The following WDR5 variants were observed in gnomAD, a reference collection of about 807,000 sequenced individuals.
WDR5 encodes WD repeat domain 5.
For synonymous variants in WDR5, 144 were observed against 161.6 expected (o/e 0.89, Z 0.83); for missense variants, 187 against 416.9 (o/e 0.45, Z 4.80).
At chr9:134,141,184 G>T (rs2132531505) in intron 3 of WDR5, among the ~76,000 whole-genome samples, 1 of 152,358 alleles carries the variant, frequency 6.6e-6, no homozygotes, top group East Asian at 1.9e-4. Context: ...TACTCAGGAG[G>T]TTGAGGCAGG....
In WDR5 at chr9:134,145,937, C is replaced by CT. The variant is rs35158770; in HGVS notation, c.529-2337dup. Among the ~76,000 whole-genome samples, 885 of 139,394 alleles carry CT rather than the reference C, an allele frequency of 6.3e-3. 4 individuals are homozygous for CT. Among genetic ancestry groups the CT allele is most frequent in the African/African-American group, 0.015 (550 of 36,630 alleles). 91.4% of individuals were successfully genotyped at this position (139,394 alleles called of 152,430 possible). A position where few individuals can be genotyped will look rare whatever the true frequency, so the allele number is the denominator to read the frequency against. ...GATTACCTTCTCTGTTTCTTTCTTT[C>CT]TTTTTTTTTTTTTTGTTTTTTAATA... On this transcript the variant is annotated intron_variant, in intron 7 of 13. Coordinates refer to ENST00000358625, the MANE Select transcript of WDR5 (RefSeq NM_017588.3).
rs766254129 is a variant in WDR5 at position 134,154,550 on chromosome 9, T to C, written c.707+9T>C. Reference sequence around the variant, plus strand: ...GCCGCCACGCTGGACAAGTGAGTACTGCGTGGGACTGTGGGGGCGGGCATG... The same window carrying C: ...GCCGCCACGCTGGACAAGTGAGTACCGCGTGGGACTGTGGGGGCGGGCATG... On this transcript the variant is annotated intron_variant, in intron 10 of 13. Transcript: ENST00000358625. 2 of 1,613,912 alleles carry C rather than the reference T, an allele frequency of 1.2e-6. No individual in the cohort carries two copies. Among genetic ancestry groups the C allele is most frequent in the Admixed American group, 3.3e-5 (2 of 60,010 alleles).
intron 12 of WDR5, among the ~76,000 whole-genome samples, chr9:134,156,133 G>A (rs945290978): frequency 2.6e-5 from 4 of 152,208 alleles, no homozygotes; most frequent in East Asian, 1.9e-4. Flanking sequence ...GTGTTTTCCC[G>A]CCCACCCACA....
At position 134,139,898 on chromosome 9, in the gene WDR5, G is replaced by A. The variant is rs143769359; in HGVS notation, c.21G>A (p.Lys7=). The change falls in exon 2 of 14, where the codon AAG becomes AAA. Residue 7 remains lysine (K), a synonymous_variant. Coordinates refer to ENST00000358625, the MANE Select transcript of WDR5 (RefSeq NM_017588.3). MATEEK[K]PETEAARAQP... ...GAGCCATGGCGACGGAGGAGAAGAA[G>A]CCCGAGACCGAGGCCGCCAGAGCAC... 4.3e-6 allele frequency: 7 copies of A among 1,613,380 alleles called. No homozygotes were observed. The African/African-American group carries it at 6.7e-5, about 15-fold the overall frequency.
At chr9:134,153,517 C>T (rs184585650) in intron 9 of WDR5, among the ~76,000 whole-genome samples, 99 of 152,358 alleles carry the variant, frequency 6.5e-4, no homozygotes, top group Non-Finnish European at 1.2e-3. Flanking sequence ...CCCGGCCCCC[C>T]GGCCCTCACT....
At chr9:134,148,377 A>G in intron 8 of WDR5, 34 bp downstream of exon 8, 1 of 1,588,188 alleles carries the variant, frequency 6.3e-7, no homozygotes, top group Non-Finnish European at 8.6e-7. Context: ...TGAAGCGATG[A>G]GTGCTTAACT....
chr9:134,144,697 G>A (rs28759362), intron 7 of WDR5, among the ~76,000 whole-genome samples: 103,770 of 151,720 alleles, frequency 0.68, 35,700 homozygotes, highest in African/African-American at 0.73. Context: ...AAAATTAGCC[G>A]GGCGTAGTGA....
rs924629921 is a variant in WDR5 at position 134,154,147 on chromosome 9, G to A, written c.632-319G>A. 5.2e-4 allele frequency among the ~76,000 whole-genome samples: 79 copies of A among 152,278 alleles called. 2 individuals are homozygous for A. Among genetic ancestry groups the A allele is most frequent in the Admixed American group, 3.9e-4 (6 of 15,304 alleles). ...TGTCCCTCTGTTGAGTTGGGCATTC[G>A]CCAGCCTTATCCATCCCCTGTGAGG... On this transcript the variant is annotated intron_variant, in intron 9 of 13. Transcript: ENST00000358625.
chr9:134,146,512 A>G (rs534673134), intron 7 of WDR5, among the ~76,000 whole-genome samples: 2 of 152,354 alleles, frequency 1.3e-5, no homozygotes, highest in African/African-American at 4.8e-5. Context: ...CTGGGATTAC[A>G]GGCGTAAGCC....
At chr9:134,152,126 G>T in intron 9 of WDR5, 97 bp downstream of exon 9, 2 of 1,434,108 alleles carry the variant, frequency 1.4e-6, no homozygotes, top group Non-Finnish European at 1.9e-6. Flanking sequence ...TCCCTCCTCT[G>T]CCCTGGGTCC....
At chr9:134,151,888 A>C (rs1832507669) in intron 8 of WDR5, 95 bp from the exon 9 acceptor site, 1 of 1,245,058 alleles carries the variant, frequency 8.0e-7, no homozygotes, top group Admixed American at 2.2e-5. Flanking sequence ...GATAGGGAAA[A>C]GCGTGCTAGT....
At chr9:134,142,919 C>T (rs1054414259) in intron 7 of WDR5, among the ~76,000 whole-genome samples, 200 bp downstream of exon 7, 3 of 151,988 alleles carry the variant, frequency 2.0e-5, no homozygotes, top group Non-Finnish European at 2.9e-5. Flanking sequence ...GGAGGGATGG[C>T]GAGGGGGTGG....
chr9:134,140,601 A>C lies in WDR5; in HGVS notation c.82-102A>C. On this transcript the variant is annotated intron_variant, in intron 2 of 13. Coordinates refer to ENST00000358625, the MANE Select transcript of WDR5 (RefSeq NM_017588.3). ...ACTGGGCATGTGGATTTGGAGCTCT[A>C]AAGATCTGAGCTGAAATTAAATGGT... is the stretch of plus-strand genomic sequence containing the variant. The C allele has an allele frequency of 3.1e-6, 3 of 961,838 alleles. No individual in the cohort carries two copies. The South Asian group carries it at 4.1e-5, about 13-fold the overall frequency. The allele number at this position is 961,838 out of a possible 1,614,324, so 59.6% of individuals were successfully genotyped here. A position where few individuals can be genotyped will look rare whatever the true frequency, so the allele number is the denominator to read the frequency against.
intron 9 of WDR5, among the ~76,000 whole-genome samples, chr9:134,153,433 A>T (rs1485740372): frequency 6.6e-6 from 1 of 152,144 alleles, no homozygotes; most frequent in African/African-American, 2.4e-5. Context: ...TGATGCGTTC[A>T]TCTCTGTGAG....
chr9:134,143,412 G>A (rs1331700790), intron 7 of WDR5, among the ~76,000 whole-genome samples: 1 of 152,146 alleles, frequency 6.6e-6, no homozygotes, highest in African/African-American at 2.4e-5. Flanking sequence ...GTGGTGGCGC[G>A]TGCCTGGAAT....
intron 1 of WDR5, among the ~76,000 whole-genome samples, chr9:134,136,963 C>T (rs1022223034): frequency 2.0e-5 from 3 of 152,190 alleles, no homozygotes; most frequent in African/African-American, 7.2e-5. Context: ...AGCGAAGGAC[C>T]CAGGCGGGGA....
At position 134,158,440 on chromosome 9, in the gene WDR5, C is replaced by T. The variant is rs1832850710; in HGVS notation, c.*447C>T. 6.3e-6 allele frequency: 1 copy of T among 157,952 alleles called. No homozygotes were observed. Among genetic ancestry groups the T allele is most frequent in the Admixed American group, 6.4e-5 (1 of 15,732 alleles). 9.8% of individuals were successfully genotyped at this position (157,952 alleles called of 1,614,324 possible). A position where few individuals can be genotyped will look rare whatever the true frequency, so the allele number is the denominator to read the frequency against. ...CCACGCCGGCCGCCCCCATTCTCTG[C>T]TGCGTAGATGCCCTGGCCCAGGGCC... is the stretch of plus-strand genomic sequence containing the variant. On this transcript the variant is annotated 3_prime_UTR_variant, in exon 14 of 14. Transcript: ENST00000358625.
In WDR5 at chr9:134,158,010, C is replaced by T. The variant is rs1832826203; in HGVS notation, c.*17C>T. ...GACTGCTAAGTCCCTTTGCTCCTGCCCGCGAGAGACTGTCGGGAAGTTGAC... is the reference window on the plus strand; with the variant it reads ...GACTGCTAAGTCCCTTTGCTCCTGCTCGCGAGAGACTGTCGGGAAGTTGAC... On this transcript the variant is annotated 3_prime_UTR_variant, in exon 14 of 14. Coordinates refer to ENST00000358625, the MANE Select transcript of WDR5 (RefSeq NM_017588.3). The T allele has an allele frequency of 6.2e-7, 1 of 1,610,770 alleles. No homozygotes were observed. Among genetic ancestry groups the T allele is most frequent in the South Asian group, 1.1e-5 (1 of 91,010 alleles).
intron 1 of WDR5, among the ~76,000 whole-genome samples, chr9:134,139,495 A>G (rs1317537137): frequency 1.3e-5 from 2 of 152,170 alleles, no homozygotes; most frequent in Non-Finnish European, 2.9e-5. Context: ...TAATGTGTCC[A>G]GGGCTCTTTG....
Sources: allele counts gnomAD v4.1 joint callset (sites outside exome capture counted in the v4.1 genomes callset), GRCh38; gene constraint gnomAD v4.1.1; transcripts MANE v1.5; gene names NCBI Gene and HGNC (gene_info 2026-07-23, HGNC 2026-07-21).